The following RBM26 variants were observed in gnomAD, a reference collection of about 807,000 sequenced individuals.
The protein encoded by RBM26 is RNA binding motif protein 26, also known as RNA-binding protein 26.
RBM26 carries 30 observed loss-of-function variants against 123.6 expected under a neutral mutation model. The ratio of observed to expected loss-of-function variants is 0.24; its 90% CI spans 0.18 to 0.33. The LOEUF is 0.33. RBM26 is among the 10% of genes least tolerant of loss of function. RBM26 has a pLI of 1.00. For missense variants in RBM26, 947 were observed against 1,203.6 expected, an observed-to-expected ratio of 0.79 and a Z score of 3.15; for synonymous variants, 400 against 404.4, an observed-to-expected ratio of 0.99 and a Z score of 0.13.
chr13:79,370,896 T>A, intron 5 of RBM26, 49 bp downstream of exon 5: 1 of 1,555,300 alleles, frequency 6.4e-7, no homozygotes, highest in South Asian at 1.2e-5. Context: ...TTTAAAAACA[T>A]TTAAACATGG....
At position 79,337,242 on chromosome 13, in the gene RBM26, C is replaced by T; in HGVS notation, c.2593G>A (p.Gly865Ser). 1 of 1,614,176 alleles carries T rather than the reference C, an allele frequency of 6.2e-7. No homozygotes were observed. Among genetic ancestry groups the T allele is most frequent in the Non-Finnish European group, 8.5e-7 (1 of 1,180,024 alleles). The change falls in exon 19 of 22, where the codon GGT becomes AGT. Residue 865 changes from glycine (G) to serine (S), a missense_variant. Around this residue, in one of 5 missense-constraint regions of RBM26, gnomAD observed 164 missense variants for 215.3 expected, o/e 0.76. Transcript: ENST00000438737. Reference sequence around the variant, plus strand: ...CCCCTGCCTCGGCCATGAACTGCACCTCGACCTCTTGAATGAATTCCTCTG... The same window carrying T: ...CCCCTGCCTCGGCCATGAACTGCACTTCGACCTCTTGAATGAATTCCTCTG... ...RGRGIHSRGR[G>S]AVHGRGRGRG...
intron 1 of RBM26, among the ~76,000 whole-genome samples, chr13:79,398,923 G>A (rs2078825592): frequency 6.6e-6 from 1 of 152,122 alleles, no homozygotes; most frequent in Non-Finnish European, 1.5e-5. Context: ...TAATAATCAG[G>A]TATATACTAC....
At chr13:79,383,116 C>G (rs1254048814) in intron 1 of RBM26, among the ~76,000 whole-genome samples, 1 of 2,594 alleles carries the variant, frequency 3.9e-4, no homozygotes, top group Non-Finnish European at 6.5e-4. Context: ...AATCAGAGGC[C>G]TCCCAAAGGC....
intron 1 of RBM26, among the ~76,000 whole-genome samples, chr13:79,386,945 C>A (rs1310713633): frequency 6.6e-6 from 1 of 152,120 alleles, no homozygotes; most frequent in Admixed American, 6.6e-5. Context: ...GTCGATTAAG[C>A]CTTTAACCTT....
At chr13:79,361,274 A>C (rs2074654173) in intron 9 of RBM26, among the ~76,000 whole-genome samples, 1 of 151,890 alleles carries the variant, frequency 6.6e-6, no homozygotes, top group East Asian at 1.9e-4. Flanking sequence ...AACGCTCTAG[A>C]CTCCTGCTGC....
chr13:79,372,829 T>A (rs1434114834), intron 3 of RBM26, among the ~76,000 whole-genome samples: 1,546 of 124,902 alleles, frequency 0.012, 437 homozygotes, highest in African/African-American at 0.043. Context: ...AATAAATATT[T>A]TATATAAATA....
intron 10 of RBM26, among the ~76,000 whole-genome samples, chr13:79,358,805 C>A (rs1369486068): frequency 6.6e-6 from 1 of 152,030 alleles, no homozygotes; most frequent in East Asian, 1.9e-4. Context: ...TATCTTAAAA[C>A]TTTATGTTTT....
At chr13:79,318,813 T>C, downstream of RBM26, 2 of 983,496 alleles carry the variant, frequency 2.0e-6, no homozygotes, top group Non-Finnish European at 2.4e-6. Flanking sequence ...TTACTTTCTT[T>C]GTAATACCTG....
At position 79,342,779 on chromosome 13, in the gene RBM26, G is replaced by C; in HGVS notation, c.2312C>G (p.Ala771Gly). The C allele has an allele frequency of 6.2e-7, 1 of 1,608,098 alleles. No individual in the cohort carries two copies. Among genetic ancestry groups the C allele is most frequent in the South Asian group, 1.1e-5 (1 of 90,336 alleles). Reference sequence around the variant, plus strand: ...AACCTCTAAAGTTTTCATTATTTCTGCTTTATCTTCAGACTTCATTGTTTT... The same window carrying C: ...AACCTCTAAAGTTTTCATTATTTCTCCTTTATCTTCAGACTTCATTGTTTT... ...KNKTMKSEDK[A>G]EIMKTLEVLT... Residue 771 changes from alanine to glycine, a missense_variant, in exon 17 of 22, where the codon GCA becomes GGA. Physicochemically the swap from Ala to Gly is moderately conservative, Grantham distance 60 (BLOSUM62 0). This residue lies in a region of RBM26 where 493 missense variants were observed against 563.1 expected (regional missense o/e 0.88). Coordinates refer to ENST00000438737, the MANE Select transcript of RBM26 (RefSeq NM_001366735.2).
Position 79,319,970 on chromosome 13 carries a change from T to TTTTTTTAATTG in RBM26, c.*650_*651insCAATTAAAAAA. ...TTGGCTTTTTTTTTTTTTTTTTTTT[T>TTTTTTTAATTG]GTCATTGCTTTTCTCTTTTCTTTCC... On this transcript the variant is annotated 3_prime_UTR_variant, in exon 22 of 22. Coordinates refer to ENST00000438737, the MANE Select transcript of RBM26 (RefSeq NM_001366735.2). 2 of 457,406 alleles carry TTTTTTTAATTG rather than the reference T, an allele frequency of 4.4e-6. No individual in the cohort carries two copies. The highest frequency in any genetic ancestry group is 5.4e-6 in the Non-Finnish European group (2 of 371,430). The allele number at this position is 457,406 out of a possible 1,614,324, so 28.3% of individuals were successfully genotyped here.
At chr13:79,322,036 T>C (rs1349058416) in intron 21 of RBM26, among the ~76,000 whole-genome samples, 4 of 151,544 alleles carry the variant, frequency 2.6e-5, no homozygotes, top group South Asian at 2.1e-4. Context: ...CAACTGAGAA[T>C]AGATTATCCT....
intron 9 of RBM26, among the ~76,000 whole-genome samples, chr13:79,362,476 T>C (rs2074812376): frequency 6.6e-6 from 1 of 152,162 alleles, no homozygotes; most frequent in Non-Finnish European, 1.5e-5. Flanking sequence ...CAAAATTCCT[T>C]CAGTTTCTCA....
Position 79,341,026 on chromosome 13 carries a change from C to T in RBM26, c.2532+97G>A, listed in dbSNP as rs2071289682. 5 of 648,432 alleles carry T rather than the reference C, an allele frequency of 7.7e-6. No individual in the cohort carries two copies. The Admixed American group carries it at 1.2e-4, about 16-fold the overall frequency. The allele number at this position is 648,432 out of a possible 1,614,324, so 40.2% of individuals were successfully genotyped here. A position where few individuals can be genotyped will look rare whatever the true frequency, so the allele number is the denominator to read the frequency against. Reference sequence around the variant, plus strand: ...GTATGCCAGGGATTACCAACAATTACTAATGAGAATGAAGGGAAGGGAATA... The same window carrying T: ...GTATGCCAGGGATTACCAACAATTATTAATGAGAATGAAGGGAAGGGAATA... On this transcript the variant is annotated intron_variant, in intron 18 of 21. Transcript: ENST00000438737.
chr13:79,384,272 A>AT (rs2077303212), intron 1 of RBM26, among the ~76,000 whole-genome samples: 15 of 133,210 alleles, frequency 1.1e-4, no homozygotes, highest in African/African-American at 4.0e-4. Context: ...TTTTCATTTC[A>AT]TTTTTTTAGA....
At position 79,371,900 on chromosome 13, in the gene RBM26, A is replaced by G; in HGVS notation, c.358T>C (p.Phe120Leu). 6.2e-7 allele frequency: 1 copy of G among 1,612,190 alleles called. No individual in the cohort carries two copies. The highest frequency in any genetic ancestry group is 8.5e-7 in the Non-Finnish European group (1 of 1,178,922). Residue 120 changes from phenylalanine (F) to leucine (L), a missense_variant, in exon 4 of 22, where the codon TTT (phenylalanine) becomes CTT (leucine). Phe to Leu is a conservative substitution (Grantham distance 22, BLOSUM62 0). Coordinates refer to ENST00000438737, the MANE Select transcript of RBM26 (RefSeq NM_001366735.2). ...GGACTGTGATTTAGCCTTCTAGAAAACTTCTTCTCTCGCTCTTCCTCCTTA... is the reference window on the plus strand; with the variant it reads ...GGACTGTGATTTAGCCTTCTAGAAAGCTTCTTCTCTCGCTCTTCCTCCTTA... ...ITKEEEREKK[F>L]SRRLNHSPPQ... is the part of the protein sequence containing the mutation.
intron 1 of RBM26, among the ~76,000 whole-genome samples, chr13:79,396,649 T>G (rs192934476): frequency 6.6e-6 from 1 of 151,320 alleles, no homozygotes; most frequent in Admixed American, 6.6e-5. Context: ...GCTTCACTGG[T>G]GAAGGATCCC....
At chr13:79,401,368 G>A (rs1487677439) in intron 1 of RBM26, among the ~76,000 whole-genome samples, 1 of 152,108 alleles carries the variant, frequency 6.6e-6, no homozygotes, top group Non-Finnish European at 1.5e-5. Flanking sequence ...TGCAGTAACA[G>A]AAAACACTAG....
At chr13:79,371,455 C>A (rs544909406) in intron 4 of RBM26, among the ~76,000 whole-genome samples, 2 of 151,916 alleles carry the variant, frequency 1.3e-5, no homozygotes, top group Non-Finnish European at 1.5e-5. Flanking sequence ...CATACTATCC[C>A]GTACATATAA....
intron 1 of RBM26, among the ~76,000 whole-genome samples, chr13:79,394,346 G>C (rs1336444286): frequency 6.6e-6 from 1 of 152,064 alleles, no homozygotes; most frequent in Non-Finnish European, 1.5e-5. Context: ...GCACCCCTTT[G>C]GTAGGAAGAG....
Sources: allele counts gnomAD v4.1 joint callset (sites outside exome capture counted in the v4.1 genomes callset), GRCh38; gene constraint gnomAD v4.1.1; regional missense constraint gnomAD v4.1.1; transcripts MANE v1.5; gene names NCBI Gene and HGNC (gene_info 2026-07-23, HGNC 2026-07-21).